The following NAV2 variants were observed in gnomAD, a reference collection of about 807,000 sequenced individuals.
NAV2 encodes helicase, APC down-regulated 1.
NAV2 carries 54 observed loss-of-function variants against 223.2 expected under a neutral mutation model. The observed-to-expected ratio is 0.24, with a 90% CI of 0.19 to 0.30. NAV2 has a LOEUF of 0.30. NAV2 is among the 10% of genes least tolerant of loss of function. The pLI, the probability that NAV2 is intolerant of heterozygous loss-of-function variation, is 1.00. For missense variants in NAV2, 2,806 were observed against 3,147.5 expected (o/e 0.89, Z 2.60); for synonymous variants, 1,279 against 1,239.3 (o/e 1.03, Z -0.67).
chr11:19,692,462 G>A (rs1465630030), intron 1 of NAV2, among the ~76,000 whole-genome samples: 1 of 152,196 alleles, frequency 6.6e-6, no homozygotes, highest in Non-Finnish European at 1.5e-5. Context: ...GTATGCTGTG[G>A]TCTATAGACA....
intron 3 of NAV2, among the ~76,000 whole-genome samples, chr11:19,859,858 CG>C (rs2061603340): frequency 7.2e-6 from 1 of 138,688 alleles, no homozygotes; most frequent in African/African-American, 2.8e-5. Context: ...GGCGGCTGGC[CG>C]GGCGGGGGGC....
At chr11:19,620,921 T>C (rs1297874355) in intron 1 of NAV2, among the ~76,000 whole-genome samples, 1 of 152,210 alleles carries the variant, frequency 6.6e-6, no homozygotes, top group Admixed American at 6.5e-5. Context: ...TCTTATTATT[T>C]TGAGATACAT....
intron 1 of NAV2, among the ~76,000 whole-genome samples, chr11:19,394,022 A>AGCAGT (rs1466123382): frequency 5.9e-5 from 9 of 151,636 alleles, no homozygotes; most frequent in African/African-American, 2.2e-4. Flanking sequence ...TTTCAGAGGC[A>AGCAGT]GCAGTGTTGA....
intron 1 of NAV2, among the ~76,000 whole-genome samples, chr11:19,741,237 A>T (rs2052767084): frequency 6.6e-6 from 1 of 152,186 alleles, no homozygotes; most frequent in Non-Finnish European, 1.5e-5. Flanking sequence ...TCATATGTCC[A>T]TCATCTCATA....
chr11:20,011,559 G>A (rs947225102), intron 11 of NAV2, among the ~76,000 whole-genome samples: 4 of 152,204 alleles, frequency 2.6e-5, no homozygotes, highest in African/African-American at 7.2e-5. Context: ...TTGTACAGGT[G>A]ATGAAACAGA....
At chr11:19,547,483 T>C (rs2044539891) in intron 1 of NAV2, among the ~76,000 whole-genome samples, 1 of 152,232 alleles carries the variant, frequency 6.6e-6, no homozygotes, top group African/African-American at 2.4e-5. Context: ...CCACTGCTCT[T>C]TTCCATCCCC....
rs970417544 is a variant in NAV2, at chr11:19,713,898, A to G, written c.203A>G (p.Glu68Gly). 7 of 1,613,474 alleles carry G rather than the reference A, an allele frequency of 4.3e-6. No homozygotes were observed. Among genetic ancestry groups the G allele is most frequent in the Non-Finnish European group, 4.2e-6 (5 of 1,179,978 alleles). ...TCGCAGGTGCTGCAGGGGCTGCAGG[A>G]GCCAGCGGGGGAGGGGCTCCCGCTG... ...LKSQVLQGLQEPAGEGLPLRK... is the reference protein window; with the variant it reads ...LKSQVLQGLQGPAGEGLPLRK... The change falls in exon 1 of 38, where the codon GAG becomes GGG. Residue 68 changes from glutamate (E) to glycine (G), a missense_variant. This residue lies in a region of NAV2 where 1,167 missense variants were observed against 1,180.5 expected (regional missense o/e 0.99). Transcript: ENST00000349880. This position sits in a 1 kb window ranked among gnomAD's most constrained non-coding sequence, Gnocchi z 7.2.
At chr11:19,648,771 G>A (rs2047886627) in intron 1 of NAV2, among the ~76,000 whole-genome samples, 1 of 152,186 alleles carries the variant, frequency 6.6e-6, no homozygotes, top group Non-Finnish European at 1.5e-5. Context: ...TACCCTGGCA[G>A]TAACACAATT....
In NAV2 at chr11:20,055,925, G is replaced by A. The variant is rs540453230; in HGVS notation, c.4799G>A (p.Arg1600His). 90 of 1,613,916 alleles carry A rather than the reference G, an allele frequency of 5.6e-5. No individual in the cohort carries two copies. The highest frequency in any genetic ancestry group is 2.8e-4 in the Admixed American group (17 of 60,004). ...GATGAGAAGAGCAGAACCATGAGCC[G>A]TTCAGGCTCATTCCGGGATGGGTTT... is the stretch of plus-strand genomic sequence containing the variant. ...SLDEKSRTMS[R>H]SGSFRDGFEE... Residue 1600 changes from arginine (R) to histidine (H), a missense_variant, in exon 19 of 38, where the codon CGT (arginine) becomes CAT (histidine). Around this residue, in one of 4 missense-constraint regions of NAV2, gnomAD observed 824 missense variants for 1,069.4 expected, o/e 0.77. Transcript: ENST00000349880.
chr11:19,668,718 G>A (rs1488198869), intron 1 of NAV2, among the ~76,000 whole-genome samples: 1 of 151,886 alleles, frequency 6.6e-6, no homozygotes. Context: ...CAGGGACGCT[G>A]AGCCACCTCA....
intron 1 of NAV2, among the ~76,000 whole-genome samples, chr11:19,439,103 A>T (rs1851311113): frequency 6.6e-6 from 1 of 152,088 alleles, no homozygotes; most frequent in East Asian, 1.9e-4. Flanking sequence ...GGGTCACCTC[A>T]TTATCATAAA....
intron 1 of NAV2, among the ~76,000 whole-genome samples, chr11:19,559,537 T>G (rs1010845930): frequency 1.1e-4 from 16 of 152,244 alleles, no homozygotes; most frequent in Admixed American, 6.5e-5. Context: ...TAATTTGAAC[T>G]TCATTTGTTC....
intron 6 of NAV2, among the ~76,000 whole-genome samples, chr11:19,911,851 C>G (rs1277402906): frequency 6.6e-6 from 1 of 152,120 alleles, no homozygotes; most frequent in Non-Finnish European, 1.5e-5. Context: ...ATCCAGTGAT[C>G]GGTTTATTTG....
chr11:19,860,075 G>A (rs2061639424), intron 3 of NAV2, among the ~76,000 whole-genome samples: 1 of 124,516 alleles, frequency 8.0e-6, no homozygotes, highest in Non-Finnish European at 1.7e-5. Context: ...GGACGGGGCG[G>A]CTGGCCGGGC....
At chr11:19,575,991 G>A (rs1011907538) in intron 1 of NAV2, among the ~76,000 whole-genome samples, 2 of 152,176 alleles carry the variant, frequency 1.3e-5, no homozygotes, top group African/African-American at 4.8e-5. Context: ...GTTCAGGATG[G>A]CTTTTTTAAG....
At chr11:19,519,769 A>G (rs887166871) in intron 1 of NAV2, 3 of 152,166 alleles carry the variant, frequency 2.0e-5, no homozygotes, top group African/African-American at 7.2e-5. Context: ...AATGTCCTTT[A>G]GCAAAGAGCT....
intron 35 of NAV2, among the ~76,000 whole-genome samples, chr11:20,106,816 T>C (rs12287100): frequency 0.69 from 104,375 of 150,798 alleles, 40,417 homozygotes; most frequent in Non-Finnish European, 0.88. Context: ...CTAATTTTTT[T>C]GTATTTTTTA....
At chr11:19,733,127 C>T (rs1021971295) in intron 1 of NAV2, among the ~76,000 whole-genome samples, 1 of 152,226 alleles carries the variant, frequency 6.6e-6, no homozygotes, top group Admixed American at 6.5e-5. Context: ...TAAACTGCTC[C>T]ATTAGGCGAT....
intron 13 of NAV2, 155 bp downstream of exon 13, chr11:20,044,427 C>G: frequency 1.4e-6 from 1 of 708,858 alleles, no homozygotes; most frequent in Non-Finnish European, 2.3e-6. Context: ...CTACCTTTTT[C>G]TAAGTGGAAA....
Sources: gnomAD v4.1 joint callset for allele counts (sites outside exome capture counted in the v4.1 genomes callset) on GRCh38, gnomAD v4.1.1 for gene constraint, gnomAD v4.1.1 regional missense constraint, Gnocchi (gnomAD v3.1) non-coding constraint, MANE v1.5 for transcripts, NCBI Gene and HGNC (gene_info 2026-07-23, HGNC 2026-07-21) for gene names.